Variants in GPC5 observed in about 807,000 individuals in gnomAD.
The protein encoded by GPC5 is glypican 5, also known as glypican-5.
A neutral mutation model predicts 53.9 loss-of-function variants in GPC5; 47 were observed. That is an observed-to-expected ratio of 0.87 (90% confidence interval 0.69 to 1.11). GPC5 has a LOEUF of 1.11. Among genes scored for constraint, GPC5 ranks in the 50% most tolerant of loss-of-function variants. The probability of loss-of-function intolerance (pLI) is 0.00; values close to 1 mark genes in which losing one functional copy is unlikely to be tolerated. For synonymous variants in GPC5, 286 were observed against 263.3 expected, an observed-to-expected ratio of 1.09 and a Z score of -0.84; for missense variants, 748 against 713.1, an observed-to-expected ratio of 1.05 and a Z score of -0.56.
intron 2 of GPC5, among the ~76,000 whole-genome samples, chr13:91,669,922 A>C (rs1351572567): frequency 6.6e-6 from 1 of 152,212 alleles, no homozygotes; most frequent in Non-Finnish European, 1.5e-5. Flanking sequence ...TATCTAAATT[A>C]TGATTTTTGT....
intron 7 of GPC5, among the ~76,000 whole-genome samples, chr13:92,524,553 T>C (rs1881202705): frequency 6.6e-6 from 1 of 152,148 alleles, no homozygotes; most frequent in South Asian, 2.1e-4. Flanking sequence ...TTTCTATGTA[T>C]AATCAAAAGA....
intron 7 of GPC5, among the ~76,000 whole-genome samples, chr13:92,596,334 C>T (rs899624705): frequency 1.3e-5 from 2 of 151,848 alleles, no homozygotes; most frequent in Non-Finnish European, 1.5e-5. Context: ...AATAAAACAC[C>T]GTGTTTAAAT....
intron 6 of GPC5, among the ~76,000 whole-genome samples, chr13:91,911,820 T>A (rs949084185): frequency 5.9e-5 from 9 of 152,126 alleles, no homozygotes; most frequent in African/African-American, 2.2e-4. Flanking sequence ...AGAAGAAGGA[T>A]GATAGCAAGG....
intron 5 of GPC5, among the ~76,000 whole-genome samples, chr13:91,850,514 A>G (rs1462961543): frequency 6.6e-6 from 1 of 152,174 alleles, no homozygotes; most frequent in African/African-American, 2.4e-5. Context: ...CATGTTTCCT[A>G]TACTAGTTGA....
chr13:92,189,417 A>T (rs1038851900), intron 7 of GPC5, among the ~76,000 whole-genome samples: 2 of 152,072 alleles, frequency 1.3e-5, no homozygotes, highest in African/African-American at 4.8e-5. Context: ...TTAGTTGGGG[A>T]CAATGAGAAT....
chr13:92,084,864 C>CA (rs1463282170), intron 6 of GPC5, among the ~76,000 whole-genome samples: 1 of 152,110 alleles, frequency 6.6e-6, no homozygotes, highest in Non-Finnish European at 1.5e-5. Context: ...TATAAGAAAA[C>CA]ACGTTAGACA....
chr13:91,762,080 T>C lies in GPC5; in HGVS notation c.1280+5660T>C, dbSNP rs1190867429. On this transcript the variant is annotated intron_variant, in intron 5 of 7. Transcript: ENST00000377067. ...AATTAATATGCCACATTATTTCTAC[T>C]TCATCTTGATTAAGTTAATGTTCTT... 5.3e-5 allele frequency among the ~76,000 whole-genome samples: 8 copies of C among 152,346 alleles called. No homozygotes were observed. In the South Asian group the frequency reaches 8.3e-4, roughly 16 times the overall value.
At chr13:92,088,702 G>A (rs190238527) in intron 6 of GPC5, among the ~76,000 whole-genome samples, 21 of 152,228 alleles carry the variant, frequency 1.4e-4, no homozygotes, top group African/African-American at 3.4e-4. Flanking sequence ...TGGGTATTGC[G>A]TCTCTGTGTA....
chr13:92,458,744 T>C (rs749110191), intron 7 of GPC5, among the ~76,000 whole-genome samples: 5 of 152,114 alleles, frequency 3.3e-5, no homozygotes, highest in South Asian at 2.1e-4. Context: ...AGTTTCTTAA[T>C]ATATGGGCTA....
chr13:92,419,732 C>T (rs1170282269), intron 7 of GPC5, among the ~76,000 whole-genome samples: 1 of 152,186 alleles, frequency 6.6e-6, no homozygotes, highest in East Asian at 1.9e-4. Flanking sequence ...CCCTTCTTTA[C>T]ACCAATAACT....
intron 4 of GPC5, among the ~76,000 whole-genome samples, chr13:91,730,210 G>A (rs1227933872): frequency 6.6e-6 from 1 of 152,156 alleles, no homozygotes; most frequent in African/African-American, 2.4e-5. Context: ...CATTGCCATG[G>A]CATTATATTT....
chr13:92,161,654 C>A (rs2041988848), intron 7 of GPC5, among the ~76,000 whole-genome samples: 1 of 151,768 alleles, frequency 6.6e-6, no homozygotes, highest in Non-Finnish European at 1.5e-5. Flanking sequence ...TAGTGGAGAC[C>A]TGACTAGAAT....
intron 2 of GPC5, among the ~76,000 whole-genome samples, chr13:91,506,141 T>C (rs1408292293): frequency 6.6e-6 from 1 of 152,156 alleles, no homozygotes; most frequent in African/African-American, 2.4e-5. Flanking sequence ...AAGTAGCCTA[T>C]TTAAGTCAAG....
intron 6 of GPC5, among the ~76,000 whole-genome samples, chr13:92,000,910 C>T (rs1465298973): frequency 6.6e-6 from 1 of 152,158 alleles, no homozygotes; most frequent in African/African-American, 2.4e-5. Context: ...CCTATTCAGG[C>T]CACTGAGAAA....
At chr13:91,862,068 A>G (rs2138913826) in intron 5 of GPC5, among the ~76,000 whole-genome samples, 1 of 152,238 alleles carries the variant, frequency 6.6e-6, no homozygotes, top group Non-Finnish European at 1.5e-5. Flanking sequence ...CCCTTCAACG[A>G]AATTGAACGA....
At chr13:91,863,365 G>A (rs1199394729) in intron 5 of GPC5, among the ~76,000 whole-genome samples, 1 of 152,022 alleles carries the variant, frequency 6.6e-6, no homozygotes, top group African/African-American at 2.4e-5. Flanking sequence ...CTCCTAAAGG[G>A]GAATAGGAAT....
At chr13:91,503,039 A>C (rs1056477940) in intron 2 of GPC5, among the ~76,000 whole-genome samples, 3 of 152,176 alleles carry the variant, frequency 2.0e-5, no homozygotes, top group Non-Finnish European at 4.4e-5. Context: ...ATAGTAATGA[A>C]GTCTAGAAAA....
intron 7 of GPC5, among the ~76,000 whole-genome samples, chr13:92,145,559 G>C (rs975618109): frequency 1.3e-5 from 2 of 151,038 alleles, no homozygotes; most frequent in African/African-American, 4.9e-5. Flanking sequence ...CTACCACAAA[G>C]GATAGAATTT....
intron 6 of GPC5, among the ~76,000 whole-genome samples, chr13:92,135,203 T>C (rs912320756): frequency 6.6e-5 from 10 of 152,056 alleles, no homozygotes; most frequent in Admixed American, 6.5e-4. Context: ...AACTCTGGAG[T>C]TGTTTTGCAA....
Sources: allele counts gnomAD v4.1 joint callset (sites outside exome capture counted in the v4.1 genomes callset), GRCh38; gene constraint gnomAD v4.1.1; transcripts MANE v1.5; gene names NCBI Gene and HGNC (gene_info 2026-07-23, HGNC 2026-07-21).